The following ENOX1 variants were observed in gnomAD, a reference collection of about 807,000 sequenced individuals.
ENOX1 encodes candidate growth-related and time keeping constitutive hydroquinone (NADH) oxidase.
In ENOX1, 42 loss-of-function variants were observed where a neutral mutation model predicts 82.5. The ratio of observed to expected loss-of-function variants is 0.51; its 90% CI spans 0.40 to 0.66. The LOEUF (loss-of-function observed/expected upper bound fraction) is 0.66, where lower values mean the gene tolerates loss of function less well. ENOX1 is among the 30% of genes least tolerant of loss of function. ENOX1 has a pLI of 0.00. For missense variants in ENOX1, 608 were observed against 811.6 expected, an observed-to-expected ratio of 0.75 and a Z score of 3.05; for synonymous variants, 271 against 282.2, an observed-to-expected ratio of 0.96 and a Z score of 0.40.
At chr13:43,424,770 T>C (rs746514413) in intron 3 of ENOX1, among the ~76,000 whole-genome samples, 13 of 152,150 alleles carry the variant, frequency 8.5e-5, no homozygotes, top group Non-Finnish European at 1.5e-5. Flanking sequence ...CAGTGGAGCC[T>C]TGGGTCCCCT....
At chr13:43,258,327 A>C (rs2043865247) in intron 14 of ENOX1, among the ~76,000 whole-genome samples, 1 of 152,144 alleles carries the variant, frequency 6.6e-6, no homozygotes, top group African/African-American at 2.4e-5. Context: ...GGATTTTTTC[A>C]GTTGGAACTA....
At chr13:43,761,128 C>A (rs1950946880) in intron 1 of ENOX1, among the ~76,000 whole-genome samples, 1 of 152,042 alleles carries the variant, frequency 6.6e-6, no homozygotes, top group Non-Finnish European at 1.5e-5. Context: ...TTCCTGCCTT[C>A]CTGTCCTCAT....
At chr13:43,627,015 T>C (rs1181050885) in intron 2 of ENOX1, among the ~76,000 whole-genome samples, 1 of 152,010 alleles carries the variant, frequency 6.6e-6, no homozygotes, top group Non-Finnish European at 1.5e-5. Context: ...TCCTAGTAGA[T>C]TGACCTTTGC....
chr13:43,338,937 G>C (rs1308258619), intron 9 of ENOX1, among the ~76,000 whole-genome samples: 2 of 152,058 alleles, frequency 1.3e-5, no homozygotes, highest in African/African-American at 4.8e-5. Context: ...CGCCCGCCTT[G>C]GCCTCCCAAA....
intron 2 of ENOX1, among the ~76,000 whole-genome samples, chr13:43,661,420 GA>G (rs1400830999): frequency 6.6e-6 from 1 of 152,182 alleles, no homozygotes; most frequent in African/African-American, 2.4e-5. Context: ...GGACAAGTCT[GA>G]ACACAGATGC....
At chr13:43,594,485 T>C (rs1282678894) in intron 2 of ENOX1, among the ~76,000 whole-genome samples, 1 of 152,178 alleles carries the variant, frequency 6.6e-6, no homozygotes, top group Non-Finnish European at 1.5e-5. Context: ...AAAAGGCTAA[T>C]TAGTTATTTT....
At chr13:43,470,534 T>A (rs1924626) in intron 3 of ENOX1, among the ~76,000 whole-genome samples, 4 of 148,780 alleles carry the variant, frequency 2.7e-5, no homozygotes, top group Non-Finnish European at 4.5e-5. Flanking sequence ...AAGACATCAC[T>A]AAGAGAATAA....
At chr13:43,427,084 A>G (rs2055353632) in intron 3 of ENOX1, among the ~76,000 whole-genome samples, 1 of 152,212 alleles carries the variant, frequency 6.6e-6, no homozygotes, top group African/African-American at 2.4e-5. Context: ...GAGAGTAAAT[A>G]TCAATATACA....
At chr13:43,636,652 T>C (rs1217816182) in intron 2 of ENOX1, among the ~76,000 whole-genome samples, 1 of 151,440 alleles carries the variant, frequency 6.6e-6, no homozygotes, top group African/African-American at 2.4e-5. Context: ...CATTCCACCT[T>C]GTTTCACAGA....
intron 16 of ENOX1, 152 bp from the exon 17 acceptor site, chr13:43,214,273 A>T: frequency 3.7e-6 from 3 of 810,528 alleles, no homozygotes; most frequent in Non-Finnish European, 5.7e-6. Flanking sequence ...GAACATTCAG[A>T]AGTACTGAAT....
intron 1 of ENOX1, among the ~76,000 whole-genome samples, chr13:43,695,696 C>CCT (rs1347183326): frequency 6.6e-6 from 1 of 152,126 alleles, no homozygotes; most frequent in Non-Finnish European, 1.5e-5. Flanking sequence ...GATCGGCCCG[C>CCT]CTCAGCCTTC....
intron 3 of ENOX1, among the ~76,000 whole-genome samples, chr13:43,431,752 T>C (rs1267081124): frequency 6.6e-6 from 1 of 152,180 alleles, no homozygotes; most frequent in Admixed American, 6.5e-5. Flanking sequence ...TTTGATTTTC[T>C]ATATTCCTGA....
chr13:43,732,724 A>G (rs1030902186), intron 1 of ENOX1, among the ~76,000 whole-genome samples: 1 of 152,236 alleles, frequency 6.6e-6, no homozygotes, highest in African/African-American at 2.4e-5. Context: ...ATTAGTTGGT[A>G]GATTTAAAAA....
intron 2 of ENOX1, among the ~76,000 whole-genome samples, chr13:43,586,170 C>T (rs866983220): frequency 1.3e-5 from 2 of 152,214 alleles, no homozygotes; most frequent in African/African-American, 2.4e-5. Flanking sequence ...CCACTCCCTT[C>T]GCCAACCCCA....
At chr13:43,414,795 GCATTAATCACA>G (rs1247606480) in intron 3 of ENOX1, among the ~76,000 whole-genome samples, 1 of 152,098 alleles carries the variant, frequency 6.6e-6, no homozygotes, top group African/African-American at 2.4e-5. Flanking sequence ...TCCCAAATGG[GCATTAATCACA>G]CATTTTTTTC....
At chr13:43,604,699 T>C (rs1385039202) in intron 2 of ENOX1, among the ~76,000 whole-genome samples, 1 of 152,188 alleles carries the variant, frequency 6.6e-6, no homozygotes, top group Non-Finnish European at 1.5e-5. Flanking sequence ...TGATCAAGTT[T>C]ATAAGATCTG....
intron 12 of ENOX1, among the ~76,000 whole-genome samples, chr13:43,292,026 C>A (rs2046028990): frequency 6.6e-6 from 1 of 152,116 alleles, no homozygotes; most frequent in Non-Finnish European, 1.5e-5. Flanking sequence ...GCAAACCAAG[C>A]CCTCCACACC....
Position 43,594,374 on chromosome 13 carries a change from A to G in ENOX1, c.-219+73105T>C, listed in dbSNP as rs573125763. On this transcript the variant is annotated intron_variant, in intron 2 of 16. Transcript: ENST00000690772. ...CAATTCCTCAAAATAGTATCTTCAT[A>G]TAAGGAGAGTTATATTTGTATAAAA... 1.1e-4 allele frequency among the ~76,000 whole-genome samples: 17 copies of G among 152,358 alleles called. 1 individual carries two copies. The East Asian group carries it at 3.1e-3, about 28-fold the overall frequency.
intron 2 of ENOX1, among the ~76,000 whole-genome samples, chr13:43,631,519 GTA>G (rs1256283897): frequency 6.6e-6 from 1 of 152,116 alleles, no homozygotes; most frequent in Non-Finnish European, 1.5e-5. Flanking sequence ...AGTCAGATTT[GTA>G]TGTTTCCTCT....
Sources: allele counts gnomAD v4.1 joint callset (sites outside exome capture counted in the v4.1 genomes callset), GRCh38; gene constraint gnomAD v4.1.1; transcripts MANE v1.5; gene names NCBI Gene and HGNC (gene_info 2026-07-23, HGNC 2026-07-21).